KLHDC4: variants seen among roughly 807,000 people sequenced by gnomAD.
The protein encoded by KLHDC4 is kelch domain containing 4.
KLHDC4 carries 90 observed loss-of-function variants against 62.4 expected under a neutral mutation model. That is an observed-to-expected ratio of 1.44 (90% CI 1.22 to 1.72). The LOEUF is 1.72. KLHDC4 is among the 40% of genes most tolerant of loss of function. The pLI, the probability that KLHDC4 is intolerant of heterozygous loss-of-function variation, is 0.00. For synonymous variants in KLHDC4, 386 were observed against 284.4 expected (o/e 1.36, Z -3.59); for missense variants, 1,025 against 699.7 (o/e 1.47, Z -5.25).
rs779994258 is a variant in KLHDC4, at chr16:87,765,063, G to A, written c.99+729C>T. 180 of 454,356 alleles carry A rather than the reference G, an allele frequency of 4.0e-4. 1 individual carries two copies. Among genetic ancestry groups the A allele is most frequent in the Admixed American group, 1.2e-4 (5 of 42,438 alleles). 28.1% of individuals were successfully genotyped at this position (454,356 alleles called of 1,614,324 possible). A position where few individuals can be genotyped will look rare whatever the true frequency, so the allele number is the denominator to read the frequency against. ...ATGGGAATACCAGTGCTACGGAACT[G>A]ACCTGCTCGTGAGGAGTAAAGCCCA... On this transcript the variant is annotated intron_variant, in intron 1 of 11. Transcript: ENST00000270583.
intron 4 of KLHDC4, among the ~76,000 whole-genome samples, chr16:87,754,729 C>G (rs916822052): frequency 6.6e-6 from 1 of 152,220 alleles, no homozygotes; most frequent in Non-Finnish European, 1.5e-5. Context: ...AGAGCGACAG[C>G]TGACACTGCT....
At chr16:87,721,338 C>T (rs767480572) in intron 7 of KLHDC4, among the ~76,000 whole-genome samples, 3 of 148,906 alleles carry the variant, frequency 2.0e-5, no homozygotes, top group African/African-American at 5.0e-5. Flanking sequence ...GGCGTGAACC[C>T]GGTGGGTGGA....
At chr16:87,726,125 C>T (rs1184718234) in intron 7 of KLHDC4, among the ~76,000 whole-genome samples, 1 of 152,060 alleles carries the variant, frequency 6.6e-6, no homozygotes, top group East Asian at 1.9e-4. Context: ...GTGAAAGCTT[C>T]AATGTTCATG....
At chr16:87,722,921 G>C (rs2038680154) in intron 7 of KLHDC4, among the ~76,000 whole-genome samples, 1 of 152,230 alleles carries the variant, frequency 6.6e-6, no homozygotes, top group Admixed American at 6.5e-5. Flanking sequence ...GGTGGCGGGT[G>C]GCAGGACCTC....
At chr16:87,735,143 CA>C (rs1278840555) in intron 5 of KLHDC4, among the ~76,000 whole-genome samples, 30 of 151,126 alleles carry the variant, frequency 2.0e-4, no homozygotes, top group Non-Finnish European at 3.0e-5. Context: ...ACTAAAAATA[CA>C]AAAAAATTAG....
intron 5 of KLHDC4, 73 bp from the exon 6 acceptor site, chr16:87,730,717 AC>A (rs2143003411): frequency 1.5e-6 from 2 of 1,291,480 alleles, no homozygotes; most frequent in East Asian, 4.7e-5. Context: ...ACAACAACAA[AC>A]AAAATCCAAT....
At chr16:87,713,555 C>T (rs1362448127) in intron 8 of KLHDC4, among the ~76,000 whole-genome samples, 1 of 152,076 alleles carries the variant, frequency 6.6e-6, no homozygotes, top group Non-Finnish European at 1.5e-5. Flanking sequence ...AGTAGCAGGC[C>T]ACCCCCATCC....
intron 4 of KLHDC4, among the ~76,000 whole-genome samples, chr16:87,750,077 C>T (rs1188533228): frequency 6.6e-6 from 1 of 152,126 alleles, no homozygotes; most frequent in Non-Finnish European, 1.5e-5. Flanking sequence ...CACATGAGGC[C>T]CTCCGTGGCC....
rs780128533 is a variant in KLHDC4, at chr16:87,708,388, T to C, written c.1526A>G (p.Asp509Gly). ...ACCGCTCTCCTCTCCGCTGTCTTCG[T>C]CGTCGACCCCACCCTCGGCGCCCTC... ...EVEGAEGGVD[D>G]EDSGEESGAE... The change falls in exon 11 of 12, where the codon GAC (aspartate) becomes GGC (glycine). Residue 509 changes from aspartate to glycine, a missense_variant. By Grantham distance (94) the Asp-to-Gly change is moderately conservative (BLOSUM62 -1). Coordinates refer to ENST00000270583, the MANE Select transcript of KLHDC4 (RefSeq NM_017566.4). 60 of 1,611,090 alleles carry C rather than the reference T, an allele frequency of 3.7e-5. No homozygotes were observed. Among genetic ancestry groups the C allele is most frequent in the Non-Finnish European group, 5.0e-5 (59 of 1,179,286 alleles).
intron 7 of KLHDC4, among the ~76,000 whole-genome samples, chr16:87,723,355 C>T (rs929593397): frequency 6.6e-6 from 1 of 152,240 alleles, no homozygotes; most frequent in Non-Finnish European, 1.5e-5. Flanking sequence ...GATCACCCAC[C>T]GTCAGACTGA....
At chr16:87,706,462 C>G (rs1350321320), downstream of KLHDC4, among the ~76,000 whole-genome samples, 1 of 152,084 alleles carries the variant, frequency 6.6e-6, no homozygotes, top group African/African-American at 2.4e-5. Flanking sequence ...ACAACGCAAA[C>G]ACAAGCTGCA....
chr16:87,746,483 T>G (rs57250615), intron 5 of KLHDC4, among the ~76,000 whole-genome samples: 13 of 152,266 alleles, frequency 8.5e-5, no homozygotes, highest in African/African-American at 3.1e-4. Context: ...TGTCTCCTTA[T>G]CAGACGCACA....
At chr16:87,726,105 G>A (rs948147172) in intron 7 of KLHDC4, among the ~76,000 whole-genome samples, 1 of 152,072 alleles carries the variant, frequency 6.6e-6, no homozygotes, top group Admixed American at 6.5e-5. Context: ...CAACCAATGA[G>A]TAATCCCATG....
intron 5 of KLHDC4, among the ~76,000 whole-genome samples, chr16:87,738,860 C>T (rs1597221346): frequency 1.6e-5 from 1 of 64,024 alleles, no homozygotes; most frequent in Admixed American, 1.4e-4. Flanking sequence ...CACACACCAG[C>T]ACCTCATCCA....
At chr16:87,728,250 G>C (rs551921995) in intron 6 of KLHDC4, among the ~76,000 whole-genome samples, 1 of 152,166 alleles carries the variant, frequency 6.6e-6, no homozygotes, top group African/African-American at 2.4e-5. Flanking sequence ...CACATCCTTC[G>C]CAGGACGATG....
At chr16:87,748,091 C>G (rs1478519763) in intron 5 of KLHDC4, among the ~76,000 whole-genome samples, 1 of 152,120 alleles carries the variant, frequency 6.6e-6, no homozygotes, top group African/African-American at 2.4e-5. Flanking sequence ...CCATCTGGCT[C>G]TCTACACGGA....
intron 7 of KLHDC4, among the ~76,000 whole-genome samples, chr16:87,722,679 G>T (rs897770892): frequency 1.3e-5 from 2 of 152,274 alleles, no homozygotes; most frequent in Non-Finnish European, 2.9e-5. Context: ...CACGCAGGGG[G>T]ATGGAAACTG....
At chr16:87,732,393 G>C (rs1403393394) in intron 5 of KLHDC4, among the ~76,000 whole-genome samples, 1 of 152,062 alleles carries the variant, frequency 6.6e-6, no homozygotes, top group Non-Finnish European at 1.5e-5. Flanking sequence ...ACCGCCTCTG[G>C]TCAGGTGTGT....
At chr16:87,763,110 A>C (rs1274194867) in intron 1 of KLHDC4, among the ~76,000 whole-genome samples, 1 of 152,214 alleles carries the variant, frequency 6.6e-6, no homozygotes, top group Non-Finnish European at 1.5e-5. Context: ...CACACAAGTT[A>C]ACAGAACTTT....
Sources: gnomAD v4.1 joint callset for allele counts (sites outside exome capture counted in the v4.1 genomes callset) on GRCh38, gnomAD v4.1.1 for gene constraint, MANE v1.5 for transcripts, NCBI Gene and HGNC (gene_info 2026-07-23, HGNC 2026-07-21) for gene names.